ENGASE: variants seen among roughly 807,000 people sequenced by gnomAD.
ENGASE encodes the protein endo-beta-N-acetylglucosaminidase.
Under a neutral mutation model 78.5 loss-of-function variants are expected in ENGASE, and 69 were observed. That is an observed-to-expected ratio of 0.88 (90% CI 0.72 to 1.07). The LOEUF (loss-of-function observed/expected upper bound fraction) is 1.07, where lower values mean the gene tolerates loss of function less well. Ranked by LOEUF, ENGASE falls within the 50% of genes least tolerant of loss-of-function variation. The pLI is 0.00. For synonymous variants in ENGASE, 408 were observed against 408.9 expected (o/e 1.00, Z 0.03); for missense variants, 943 against 988.4 (o/e 0.95, Z 0.62).
Position 79,083,592 on chromosome 17 carries a change from T to TG in ENGASE, c.1251+5dup. ...GCACGGAGGGTCTGCTATGGCCAGG[T>TG]GGGTGGGTGTCTTCCCTCCGTGTCT... On this transcript the variant is annotated splice_region_variant and intron_variant, in intron 9 of 13. Transcript: ENST00000579016. This position sits in a 1 kb window ranked among gnomAD's most constrained non-coding sequence, Gnocchi z 4.9. 1.9e-6 allele frequency: 3 copies of TG among 1,612,392 alleles called. No individual in the cohort carries two copies. Among genetic ancestry groups the TG allele is most frequent in the Middle Eastern group, 1.7e-4 (1 of 6,056 alleles).
intron 7 of ENGASE, 109 bp downstream of exon 7, chr17:79,082,172 T>A (rs772969091): frequency 1.3e-6 from 2 of 1,594,224 alleles, no homozygotes; most frequent in Non-Finnish European, 1.7e-6. Context: ...TGACAGCAGC[T>A]GTTCTTCCCA....
chr17:79,075,908 T>C, intron 1 of ENGASE: 1 of 985,216 alleles, frequency 1.0e-6, no homozygotes, highest in South Asian at 4.7e-5. Context: ...TGGTGTGGGA[T>C]TGTTCTGAGA....
rs542928870 is a variant in ENGASE at position 79,087,135 on chromosome 17, C to G, written c.*786C>G. 5.9e-5 allele frequency: 26 copies of G among 443,104 alleles called. No individual in the cohort carries two copies. Among genetic ancestry groups the G allele is most frequent in the Middle Eastern group, 3.6e-4 (1 of 2,802 alleles). The allele number at this position is 443,104 out of a possible 1,614,324, so 27.4% of individuals were successfully genotyped here. On this transcript the variant is annotated 3_prime_UTR_variant, in exon 14 of 14. Transcript: ENST00000579016. The stretch of plus-strand genomic sequence containing the variant: ...GCGCTGTGGCCCTGCCTCTGCCCAG[C>G]GAGAGGCCGTGGGCTCTGGACAAGC...
At chr17:79,082,446 G>T (rs2073170078) in intron 7 of ENGASE, 1 of 1,214,102 alleles carries the variant, frequency 8.2e-7, no homozygotes, top group Non-Finnish European at 1.0e-6. Flanking sequence ...CGGCTCAGGG[G>T]CGAGGACGGG....
At chr17:79,075,223 G>A (rs1205687036) in intron 1 of ENGASE, 133 bp downstream of exon 1, 1 of 1,051,288 alleles carries the variant, frequency 9.5e-7, no homozygotes, top group African/African-American at 1.7e-5. Flanking sequence ...TGCACAGTAA[G>A]GGACAGAGGG....
rs79171361 is a variant in ENGASE, at chr17:79,080,238, A to G, written c.597A>G (p.Gly199=). ...TCATCACGGAGTGGAATGAAGGGGG[A>G]AGGCTCTGTGAAGCCTTCCTGGCCG... ...GTFITEWNEG[G]RLCEAFLAGD... Residue 199 remains glycine, a synonymous_variant, in exon 5 of 14, where the codon GGA becomes GGG. Transcript: ENST00000579016. The G allele has an allele frequency of 1.9e-4, 311 of 1,610,276 alleles. 2 individuals carry two copies. The African/African-American group carries it at 3.9e-3, about 20-fold the overall frequency.
rs748687001 is a variant in ENGASE at position 79,084,603 on chromosome 17, G to A, written c.1508G>A (p.Gly503Glu). The part of the protein sequence containing the change: ...IYLSMVYKLE[G>E]PTDVTVALEL... ...CTGTCCATGGTGTATAAGCTTGAGG[G>A]GCCCACGGACGTCACAGTTGCTTTG... The change falls in exon 11 of 14, where the codon GGG (glycine) becomes GAG (glutamate). Residue 503 changes from glycine to glutamate, a missense_variant. By Grantham distance (98) the Gly-to-Glu change is moderately conservative. Coordinates refer to ENST00000579016, the MANE Select transcript of ENGASE (RefSeq NM_001042573.3). The A allele has an allele frequency of 9.9e-6, 16 of 1,611,038 alleles. No homozygotes were observed. In the African/African-American group the frequency reaches 2.0e-4, roughly 20 times the overall value.
chr17:79,087,377 C>T lies in ENGASE; in HGVS notation c.*1028C>T, dbSNP rs67391975. 31,442 of 243,054 alleles carry T rather than the reference C, an allele frequency of 0.13. 2,254 individuals carry two copies. The highest frequency in any genetic ancestry group is 0.15 in the Admixed American group (3,192 of 20,726). 15.1% of individuals were successfully genotyped at this position (243,054 alleles called of 1,614,324 possible). On this transcript the variant is annotated 3_prime_UTR_variant, in exon 14 of 14. Transcript: ENST00000579016. ...AGCAGTCAGCACAGGTGCGTGGGGG[C>T]GTGAGGGAGGCAGGGTCTTCACCAC...
intron 1 of ENGASE, among the ~76,000 whole-genome samples, chr17:79,077,160 T>G (rs183798999): frequency 3.3e-4 from 50 of 152,326 alleles, no homozygotes; most frequent in African/African-American, 1.2e-3. Context: ...CGTGAACCAC[T>G]GCGTCTGGCC....
chr17:79,075,096 G>A lies in ENGASE; in HGVS notation c.146+6G>A. 8.3e-7 allele frequency: 1 copy of A among 1,207,728 alleles called. No homozygotes were observed. Among genetic ancestry groups the A allele is most frequent in the Non-Finnish European group, 1.0e-6 (1 of 971,876 alleles). The allele number at this position is 1,207,728 out of a possible 1,614,324, so 74.8% of individuals were successfully genotyped here. On this transcript the variant is annotated splice_donor_region_variant and intron_variant, in intron 1 of 13. Coordinates refer to ENST00000579016, the MANE Select transcript of ENGASE (RefSeq NM_001042573.3). ...CGGCGGCGGCCGGGAAGGAGGTGGG[G>A]CTGCGGGGCCCGCGTGAACCCCGAT...
In ENGASE at chr17:79,075,084, G is replaced by A. The variant is rs2072935221; in HGVS notation, c.140G>A (p.Gly47Glu). The change falls in exon 1 of 14, where the codon GGA becomes GAA. Residue 47 changes from glycine to glutamate, a missense_variant. By Grantham distance (98) the Gly-to-Glu change is moderately conservative. Transcript: ENST00000579016. ...QEPRPRRRRP[G>E]RSIKDEEEET... ...CCGCGGCCGCGGCGGCGGCGGCCGG[G>A]AAGGAGGTGGGGCTGCGGGGCCCGC... 8.3e-7 allele frequency: 1 copy of A among 1,208,616 alleles called. No individual in the cohort carries two copies. Among genetic ancestry groups the A allele is most frequent in the Non-Finnish European group, 1.0e-6 (1 of 972,218 alleles). 74.9% of individuals were successfully genotyped at this position (1,208,616 alleles called of 1,614,324 possible).
In ENGASE at chr17:79,083,924, C is replaced by T. The variant is rs1387831736; in HGVS notation, c.1415C>T (p.Pro472Leu). 3.1e-6 allele frequency: 5 copies of T among 1,610,652 alleles called. No homozygotes were observed. Among genetic ancestry groups the T allele is most frequent in the South Asian group, 1.1e-5 (1 of 90,894 alleles). ...TCCCTGCTCGTCCGGGGTGTGATCCCACCGGAGGTTGGAAATGTGGCTGTG... is the reference window on the plus strand; with the variant it reads ...TCCCTGCTCGTCCGGGGTGTGATCCTACCGGAGGTTGGAAATGTGGCTGTG... ...GSSLLVRGVIPPEVGNVAVRL... is the reference protein window; with the variant it reads ...GSSLLVRGVILPEVGNVAVRL... Residue 472 changes from proline (P) to leucine (L), a missense_variant, in exon 10 of 14, where the codon CCA becomes CTA. By Grantham distance (98) the Pro-to-Leu change is moderately conservative (BLOSUM62 -3). Coordinates refer to ENST00000579016, the MANE Select transcript of ENGASE (RefSeq NM_001042573.3). This position sits in a 1 kb window ranked among gnomAD's most constrained non-coding sequence, Gnocchi z 4.9.
chr17:79,081,616 T>C (rs1193651256), intron 6 of ENGASE, among the ~76,000 whole-genome samples: 1 of 152,000 alleles, frequency 6.6e-6, no homozygotes, highest in East Asian at 1.9e-4. Context: ...GGCCATATCC[T>C]AGGTCCTGGA....
At chr17:79,080,776 G>C (rs187595281) in intron 5 of ENGASE, 149 bp from the exon 6 acceptor site, 3 of 1,049,008 alleles carry the variant, frequency 2.9e-6, no homozygotes, top group Admixed American at 5.1e-5. Flanking sequence ...CTCCACTTGC[G>C]GGGCTGTGGC....
At chr17:79,080,572 G>A (rs529979678) in intron 5 of ENGASE, among the ~76,000 whole-genome samples, 9 of 152,336 alleles carry the variant, frequency 5.9e-5, no homozygotes, top group African/African-American at 9.6e-5. Context: ...TCCAGCAAGC[G>A]TGCTTGGCCG....
Position 79,086,871 on chromosome 17 carries a change from G to A in ENGASE, c.*522G>A, listed in dbSNP as rs544558298. On this transcript the variant is annotated 3_prime_UTR_variant, in exon 14 of 14. Coordinates refer to ENST00000579016, the MANE Select transcript of ENGASE (RefSeq NM_001042573.3). ...GCGGGATGGCGGGAGAGGATGCCCT[G>A]GAGAACCGTCCTCCCAGTGTGGAAG... 2.2e-6 allele frequency: 1 copy of A among 449,202 alleles called. No individual in the cohort carries two copies. Among genetic ancestry groups the A allele is most frequent in the South Asian group, 1.6e-5 (1 of 64,250 alleles). The allele number at this position is 449,202 out of a possible 1,614,324, so 27.8% of individuals were successfully genotyped here.
At chr17:79,081,854 C>T (rs1178277700) in intron 6 of ENGASE, 44 bp from the exon 7 acceptor site, 2 of 1,571,914 alleles carry the variant, frequency 1.3e-6, no homozygotes, top group East Asian at 4.5e-5. Flanking sequence ...GTGGCCCCAT[C>T]CTTCTGGGCC....
chr17:79,082,583 G>GCT, intron 7 of ENGASE: 1 of 1,250,132 alleles, frequency 8.0e-7, no homozygotes, highest in Non-Finnish European at 1.0e-6. Flanking sequence ...GATGCGCAGG[G>GCT]CTCTGCCTGC....
Position 79,083,086 on chromosome 17 carries a change from T to C in ENGASE, c.1105T>C (p.Cys369Arg). 1 of 1,613,896 alleles carries C rather than the reference T, an allele frequency of 6.2e-7. No individual in the cohort carries two copies. Among genetic ancestry groups the C allele is most frequent in the Non-Finnish European group, 8.5e-7 (1 of 1,179,886 alleles). Residue 369 changes from cysteine to arginine, a missense_variant, in exon 8 of 14, where the codon TGT becomes CGT. By Grantham distance (180) the Cys-to-Arg change is radical. Transcript: ENST00000579016. The surrounding 1 kb of genome is among the most constrained non-coding windows in gnomAD (Gnocchi z 4.9). ...GTTTGCCCCCGGCTGGGTGTATGAG[T>C]GTCTGGAGAAGAAGGATTTCTTCCA... ...ALFAPGWVYE[C>R]LEKKDFFQNQ...
Sources: gnomAD v4.1 joint callset for allele counts (sites outside exome capture counted in the v4.1 genomes callset) on GRCh38, gnomAD v4.1.1 for gene constraint, Gnocchi (gnomAD v3.1) non-coding constraint, MANE v1.5 for transcripts, NCBI Gene and HGNC (gene_info 2026-07-23, HGNC 2026-07-21) for gene names.